The following PDLIM5 variants were observed in gnomAD, a reference collection of about 807,000 sequenced individuals.
PDLIM5 encodes the protein PDZ and LIM domain 5.
In PDLIM5, 34 loss-of-function variants were observed where a neutral mutation model predicts 64.2. The observed-to-expected ratio is 0.53, with a 90% CI of 0.40 to 0.71. The LOEUF (loss-of-function observed/expected upper bound fraction) is 0.71. Ranked by LOEUF, PDLIM5 falls within the 30% of genes least tolerant of loss-of-function variation. The pLI is 0.00. For synonymous variants in PDLIM5, 253 were observed against 269.1 expected, an observed-to-expected ratio of 0.94 and a Z score of 0.59; for missense variants, 683 against 733.6, an observed-to-expected ratio of 0.93 and a Z score of 0.80.
intron 8 of PDLIM5, among the ~76,000 whole-genome samples, chr4:94,626,159 G>A (rs984717227): frequency 1.3e-5 from 2 of 152,100 alleles, no homozygotes; most frequent in Admixed American, 6.6e-5. Context: ...CCCATCTGAG[G>A]AGTTTTCACC....
intron 8 of PDLIM5, among the ~76,000 whole-genome samples, chr4:94,621,248 A>T (rs1463840935): frequency 1.3e-5 from 2 of 152,138 alleles, no homozygotes; most frequent in African/African-American, 2.4e-5. Flanking sequence ...ACTAAAAAAC[A>T]CTTAGTCTAA....
chr4:94,528,729 C>T (rs979120285), intron 3 of PDLIM5, among the ~76,000 whole-genome samples: 1 of 151,964 alleles, frequency 6.6e-6, no homozygotes, highest in Admixed American at 6.6e-5. Context: ...AGGACTGAGA[C>T]AGATAATAAA....
At chr4:94,559,084 A>C (rs1439593278) in intron 3 of PDLIM5, among the ~76,000 whole-genome samples, 2 of 152,180 alleles carry the variant, frequency 1.3e-5, no homozygotes, top group African/African-American at 4.8e-5. Context: ...TTTCACATCG[A>C]CCAACTTACT....
chr4:94,499,517 A>C (rs1410253353), intron 2 of PDLIM5, among the ~76,000 whole-genome samples: 1 of 152,236 alleles, frequency 6.6e-6, no homozygotes, highest in African/African-American at 2.4e-5. Context: ...AGAACCTAAT[A>C]CTGTATAACA....
At chr4:94,613,840 C>T (rs929961184) in intron 7 of PDLIM5, among the ~76,000 whole-genome samples, 3 of 151,798 alleles carry the variant, frequency 2.0e-5, no homozygotes, top group African/African-American at 7.2e-5. Flanking sequence ...AAATAGCAAT[C>T]TAATTTAAGT....
intron 8 of PDLIM5, among the ~76,000 whole-genome samples, chr4:94,631,972 T>A (rs1438371320): frequency 2.0e-5 from 3 of 152,250 alleles, no homozygotes; most frequent in African/African-American, 7.2e-5. Context: ...CTCCTGAGTT[T>A]TTATATTCAA....
At chr4:94,595,755 C>T (rs943481633) in intron 7 of PDLIM5, among the ~76,000 whole-genome samples, 2 of 152,112 alleles carry the variant, frequency 1.3e-5, no homozygotes, top group African/African-American at 2.4e-5. Flanking sequence ...CTTATTAAGA[C>T]ACGTTAGTTG....
chr4:94,607,716 T>C (rs9997813), intron 7 of PDLIM5, among the ~76,000 whole-genome samples: 96,573 of 151,874 alleles, frequency 0.64, 31,912 homozygotes, highest in South Asian at 0.78. Flanking sequence ...ATGTATGGTA[T>C]TGGGCAACTT....
At chr4:94,595,371 G>C (rs530841988) in intron 7 of PDLIM5, among the ~76,000 whole-genome samples, 42 of 152,270 alleles carry the variant, frequency 2.8e-4, no homozygotes, top group African/African-American at 1.0e-3. Context: ...TTCAAACTCA[G>C]GTTACCAATT....
chr4:94,466,918 G>A lies in PDLIM5; in HGVS notation c.96+11534G>A, dbSNP rs138473557. 4.1e-4 allele frequency among the ~76,000 whole-genome samples: 62 copies of A among 152,314 alleles called. No homozygotes were observed. In the East Asian group the frequency reaches 9.1e-3, roughly 22 times the overall value. ...TTAATACGGAATGTTAGATTTACCA[G>A]AGACTTACAGAGAAATCCTTGGCTA... is the stretch of plus-strand genomic sequence containing the variant. On this transcript the variant is annotated intron_variant, in intron 2 of 12. Transcript: ENST00000317968.
intron 3 of PDLIM5, among the ~76,000 whole-genome samples, chr4:94,564,187 C>G (rs1158123877): frequency 6.6e-6 from 1 of 152,108 alleles, no homozygotes; most frequent in Non-Finnish European, 1.5e-5. Context: ...TGGTCTAGAT[C>G]TCCTGACCTT....
At chr4:94,519,433 TAGAG>T (rs1473222972) in intron 2 of PDLIM5, among the ~76,000 whole-genome samples, 1 of 152,140 alleles carries the variant, frequency 6.6e-6, no homozygotes, top group Non-Finnish European at 1.5e-5. Flanking sequence ...AGCTGGGACT[TAGAG>T]AGGTCAAGTA....
At position 94,609,734 on chromosome 4, in the gene PDLIM5, C is replaced by CTATA. The variant is rs148091528; in HGVS notation, c.921-8270_921-8269insTATA. 3.4e-3 allele frequency among the ~76,000 whole-genome samples: 522 copies of CTATA among 152,244 alleles called. 15 individuals are homozygous for CTATA. In the East Asian group the frequency reaches 0.069, roughly 20 times the overall value. On this transcript the variant is annotated intron_variant, in intron 7 of 12. Transcript: ENST00000317968. ...AAAATGTCACGCTGTCAGTATATATCGTCTCTAAGGTAAAGCTCATTGTAT... is the reference window on the plus strand; with the variant it reads ...AAAATGTCACGCTGTCAGTATATATCTATAGTCTCTAAGGTAAAGCTCATTGTAT...
At chr4:94,520,974 C>T (rs552791120) in intron 2 of PDLIM5, among the ~76,000 whole-genome samples, 67 of 152,276 alleles carry the variant, frequency 4.4e-4, no homozygotes, top group African/African-American at 1.4e-3. Flanking sequence ...TTAAGTTCTT[C>T]CTAATAATTG....
At chr4:94,569,138 A>G (rs1402083545) in intron 3 of PDLIM5, among the ~76,000 whole-genome samples, 6 of 152,174 alleles carry the variant, frequency 3.9e-5, no homozygotes, top group Non-Finnish European at 1.5e-5. Context: ...GGCCCCCTCC[A>G]CAGTGAGGAG....
At chr4:94,466,776 T>C (rs977071131) in intron 2 of PDLIM5, among the ~76,000 whole-genome samples, 44 of 152,208 alleles carry the variant, frequency 2.9e-4, no homozygotes, top group Non-Finnish European at 5.4e-4. Context: ...GTTTTAATAA[T>C]ATATGATGTC....
chr4:94,554,652 A>G (rs758651634), intron 3 of PDLIM5, among the ~76,000 whole-genome samples: 2 of 152,226 alleles, frequency 1.3e-5, no homozygotes, highest in South Asian at 4.1e-4. Flanking sequence ...AATGCATATG[A>G]TATAAGAGCA....
intron 7 of PDLIM5, among the ~76,000 whole-genome samples, chr4:94,603,060 T>C (rs1737626449): frequency 6.6e-6 from 1 of 152,096 alleles, no homozygotes; most frequent in African/African-American, 2.4e-5. Flanking sequence ...GTTCAAGACA[T>C]TGTACAGGTA....
At chr4:94,647,288 C>T (rs1441029103) in intron 9 of PDLIM5, among the ~76,000 whole-genome samples, 1 of 151,776 alleles carries the variant, frequency 6.6e-6, no homozygotes, top group African/African-American at 2.4e-5. Context: ...AAATATGTTA[C>T]AAGTAAAAGT....
Sources: allele counts gnomAD v4.1 joint callset (sites outside exome capture counted in the v4.1 genomes callset), GRCh38; gene constraint gnomAD v4.1.1; transcripts MANE v1.5; gene names NCBI Gene and HGNC (gene_info 2026-07-23, HGNC 2026-07-21).